ALDH1A2: variants seen among roughly 807,000 people sequenced by gnomAD.
The protein encoded by ALDH1A2 is aldehyde dehydrogenase 1 family member A2.
ALDH1A2 carries 27 observed loss-of-function variants against 60.3 expected under a neutral mutation model. The observed-to-expected ratio is 0.45, with a 90% CI of 0.33 to 0.62. The LOEUF (loss-of-function observed/expected upper bound fraction) is 0.62. ALDH1A2 is among the 20% of genes least tolerant of loss of function. The pLI is 0.02. For missense variants in ALDH1A2, 581 were observed against 643.8 expected, an observed-to-expected ratio of 0.90 and a Z score of 1.06; for synonymous variants, 289 against 232.4, an observed-to-expected ratio of 1.24 and a Z score of -2.21.
intron 1 of ALDH1A2, among the ~76,000 whole-genome samples, chr15:58,032,268 C>T (rs1489134070): frequency 6.6e-6 from 1 of 152,072 alleles, no homozygotes; most frequent in African/African-American, 2.4e-5. Flanking sequence ...AAAAACCAAA[C>T]ACCACATGTT....
chr15:57,960,644 G>A (rs1248532729), intron 12 of ALDH1A2, 126 bp downstream of exon 12: 2 of 792,984 alleles, frequency 2.5e-6, no homozygotes, highest in Non-Finnish European at 4.3e-6. Context: ...ATAGTAGCAT[G>A]TGCTCCACGA....
At chr15:58,040,480 C>A (rs1233434431) in intron 1 of ALDH1A2, among the ~76,000 whole-genome samples, 1 of 151,900 alleles carries the variant, frequency 6.6e-6, no homozygotes, top group Non-Finnish European at 1.5e-5. Flanking sequence ...GTACTGTGAA[C>A]TTTCACCATT....
At chr15:58,056,775 T>C (rs1896905279) in intron 1 of ALDH1A2, among the ~76,000 whole-genome samples, 1 of 152,128 alleles carries the variant, frequency 6.6e-6, no homozygotes, top group South Asian at 2.1e-4. Flanking sequence ...ACGGCCAACA[T>C]GAAACGATGC....
Position 57,964,062 on chromosome 15 carries a change from A to G in ALDH1A2, c.909T>C (p.Tyr303=), listed in dbSNP as rs1413759715. 2 of 1,614,046 alleles carry G rather than the reference A, an allele frequency of 1.2e-6. No homozygotes were observed. Among genetic ancestry groups the G allele is most frequent in the Non-Finnish European group, 1.7e-6 (2 of 1,179,992 alleles). The change falls in exon 9 of 13, where the codon TAT becomes TAC. Residue 303 remains tyrosine (Y), a synonymous_variant. Transcript: ENST00000249750. The part of the protein sequence containing the change: ...NIIFADADLD[Y]AVEQAHQGVF... ...CACCCTGGTGGGCCTGCTCCACAGC[A>G]TAGTCCACTACAAGAGGAAACAGCC...
intron 1 of ALDH1A2, among the ~76,000 whole-genome samples, chr15:58,060,531 T>C (rs1361674526): frequency 2.0e-5 from 3 of 147,334 alleles, no homozygotes; most frequent in African/African-American, 7.6e-5. Flanking sequence ...AGGCACTATG[T>C]GTCAAATAAA....
In ALDH1A2 at chr15:57,999,363, T is replaced by C. The variant is rs1462031905; in HGVS notation, c.494-4224A>G. 5.3e-5 allele frequency among the ~76,000 whole-genome samples: 8 copies of C among 151,888 alleles called. No homozygotes were observed. In the East Asian group the frequency reaches 9.7e-4, roughly 18 times the overall value. ...AATTTAGAAGAAAAAAATAACCCCA[T>C]TAAAAAGTGGGCAAAAGGACATGAA... On this transcript the variant is annotated intron_variant, in intron 4 of 12. Transcript: ENST00000249750.
At chr15:57,971,626 T>C (rs1227905834) in intron 7 of ALDH1A2, among the ~76,000 whole-genome samples, 2 of 152,090 alleles carry the variant, frequency 1.3e-5, no homozygotes, top group African/African-American at 4.8e-5. Flanking sequence ...GGTCTCACTA[T>C]GTTGACCAGG....
At chr15:57,962,921 A>T (rs530843570) in intron 9 of ALDH1A2, among the ~76,000 whole-genome samples, 1 of 152,312 alleles carries the variant, frequency 6.6e-6, no homozygotes, top group Admixed American at 6.5e-5. Flanking sequence ...CTACAGATTA[A>T]AACCAGAATT....
intron 1 of ALDH1A2, among the ~76,000 whole-genome samples, chr15:58,053,968 T>G (rs1595693606): frequency 6.6e-6 from 1 of 152,172 alleles, no homozygotes; most frequent in Non-Finnish European, 1.5e-5. Context: ...TTATCTGGAA[T>G]AGTATATGTC....
chr15:58,018,951 AT>A (rs202181359), intron 1 of ALDH1A2, among the ~76,000 whole-genome samples: 3 of 152,182 alleles, frequency 2.0e-5, no homozygotes, highest in South Asian at 2.1e-4. Context: ...AGGAAAAAAA[AT>A]ACATATTATT....
chr15:57,956,052 C>G (rs1208288065), intron 12 of ALDH1A2, among the ~76,000 whole-genome samples: 1 of 152,202 alleles, frequency 6.6e-6, no homozygotes, highest in Non-Finnish European at 1.5e-5. Flanking sequence ...TCAACCACCA[C>G]ACTTATCACA....
chr15:57,962,031 A>T lies in ALDH1A2; in HGVS notation c.1232T>A (p.Met411Lys), dbSNP rs1177253189. 3 of 1,614,186 alleles carry T rather than the reference A, an allele frequency of 1.9e-6. No homozygotes were observed. ...PTVFSNVTDD[M>K]RIAKEEIFGP... The stretch of plus-strand genomic sequence containing the variant: ...TGATACCTCCTCCTTGGCAATCCGC[A>T]TATCATCAGTGACGTTGGAAAACAC... The change falls in exon 10 of 13, where the codon ATG becomes AAG. Residue 411 changes from methionine to lysine, a missense_variant. Met to Lys is a moderately conservative substitution (Grantham distance 95, BLOSUM62 -1). Around this residue, in one of 2 missense-constraint regions of ALDH1A2, gnomAD observed 375 missense variants for 469.7 expected, o/e 0.80. Transcript: ENST00000249750.
intron 9 of ALDH1A2, 50 bp from the exon 10 acceptor site, chr15:57,962,226 G>C (rs1431333285): frequency 6.3e-7 from 1 of 1,593,120 alleles, no homozygotes; most frequent in Non-Finnish European, 8.6e-7. Flanking sequence ...CTATGAAAAT[G>C]GAAATAAGTA....
chr15:58,016,569 C>T (rs1026836654), intron 1 of ALDH1A2, among the ~76,000 whole-genome samples: 1 of 152,172 alleles, frequency 6.6e-6, no homozygotes, highest in Non-Finnish European at 1.5e-5. Flanking sequence ...GTAAGTTAAA[C>T]TCATTTTCTT....
At position 57,953,492 on chromosome 15, in the gene ALDH1A2, A is replaced by T. The variant is rs1260090808; in HGVS notation, c.*1705T>A. The T allele has an allele frequency of 6.5e-5, 10 of 152,912 alleles. No individual in the cohort carries two copies. The highest frequency in any genetic ancestry group is 2.4e-4 in the African/African-American group (10 of 41,576). 9.5% of individuals were successfully genotyped at this position (152,912 alleles called of 1,614,324 possible). On this transcript the variant is annotated 3_prime_UTR_variant, in exon 13 of 13. Coordinates refer to ENST00000249750, the MANE Select transcript of ALDH1A2 (RefSeq NM_003888.4). Reference sequence around the variant, plus strand: ...CTTTTTAAGTAAATTAAAAGAAATAAATCTTCATTTTCACATTTTTTGTTG... The same window carrying T: ...CTTTTTAAGTAAATTAAAAGAAATATATCTTCATTTTCACATTTTTTGTTG...
Position 57,986,121 on chromosome 15 carries a change from G to T in ALDH1A2, c.798+6584C>A, listed in dbSNP as rs1249102864. The stretch of plus-strand genomic sequence containing the variant: ...TGCTTCTAATTGTAATGGAGTAACC[G>T]ACACTGGACTTGTTTTACCATTATA... On this transcript the variant is annotated intron_variant, in intron 7 of 12. Coordinates refer to ENST00000249750, the MANE Select transcript of ALDH1A2 (RefSeq NM_003888.4). Among the ~76,000 whole-genome samples the T allele has an allele frequency of 2.0e-5, 3 of 152,168 alleles. No individual in the cohort carries two copies. The East Asian group carries it at 5.8e-4, about 29-fold the overall frequency.
chr15:58,006,266 T>C (rs376901672), intron 4 of ALDH1A2, among the ~76,000 whole-genome samples: 16 of 151,968 alleles, frequency 1.1e-4, no homozygotes, highest in African/African-American at 3.9e-4. Flanking sequence ...ATATAAGATA[T>C]TTGGTTTTCC....
At chr15:58,006,331 C>T (rs908456702) in intron 4 of ALDH1A2, among the ~76,000 whole-genome samples, 4 of 152,020 alleles carry the variant, frequency 2.6e-5, no homozygotes, top group African/African-American at 9.7e-5. Context: ...CAAGATGTTG[C>T]AAAGACCATT....
chr15:57,975,894 A>G (rs1177461195), intron 7 of ALDH1A2, among the ~76,000 whole-genome samples: 2 of 152,154 alleles, frequency 1.3e-5, no homozygotes, highest in African/African-American at 4.8e-5. Flanking sequence ...GGACATATTC[A>G]TTGTGAACTC....
Sources: allele counts gnomAD v4.1 joint callset (sites outside exome capture counted in the v4.1 genomes callset), GRCh38; gene constraint gnomAD v4.1.1; regional missense constraint gnomAD v4.1.1; transcripts MANE v1.5; gene names NCBI Gene and HGNC (gene_info 2026-07-23, HGNC 2026-07-21).